Variants in CDKAL1 observed in about 807,000 individuals in gnomAD.
CDKAL1 encodes the protein CDKAL1 threonylcarbamoyladenosine tRNA methylthiotransferase.
CDKAL1 carries 32 observed loss-of-function variants against 68.2 expected under a neutral mutation model. The observed-to-expected ratio is 0.47, with a 90% CI of 0.35 to 0.63. The LOEUF is 0.63. Ranked by LOEUF, CDKAL1 falls within the 30% of genes least tolerant of loss-of-function variation. The pLI is 0.00. For missense variants in CDKAL1, 606 were observed against 696.7 expected (o/e 0.87, Z 1.47); for synonymous variants, 234 against 244.3 (o/e 0.96, Z 0.39).
intron 14 of CDKAL1, 74 bp from the exon 15 acceptor site, chr6:21,201,036 C>A: frequency 7.4e-7 from 1 of 1,354,498 alleles, no homozygotes; most frequent in Non-Finnish European, 1.0e-6. Context: ...TGCAATAATT[C>A]TATAAATCTG....
At chr6:20,562,104 A>T (rs1206827197) in intron 4 of CDKAL1, among the ~76,000 whole-genome samples, 1 of 152,172 alleles carries the variant, frequency 6.6e-6, no homozygotes, top group Non-Finnish European at 1.5e-5. Context: ...CAGTATGGTT[A>T]TATATATTTC....
At chr6:20,941,349 C>T (rs1223213975) in intron 9 of CDKAL1, among the ~76,000 whole-genome samples, 1 of 152,040 alleles carries the variant, frequency 6.6e-6, no homozygotes, top group Non-Finnish European at 1.5e-5. Flanking sequence ...CTCCTTGAGT[C>T]ACTAAATTGG....
At position 20,568,470 on chromosome 6, in the gene CDKAL1, C is replaced by T. The variant is rs139197579; in HGVS notation, c.286+19765C>T. ...GAAATGTGGGCCTGGCACGGTGGCT[C>T]ACGCCTGTAATCCCAGCACTTTGGG... On this transcript the variant is annotated intron_variant, in intron 4 of 15. Transcript: ENST00000274695. Among the ~76,000 whole-genome samples, 733 of 152,008 alleles carry T rather than the reference C, an allele frequency of 4.8e-3. 11 individuals carry two copies. The highest frequency in any genetic ancestry group is 0.017 in the African/African-American group (694 of 41,514).
At chr6:21,074,833 T>C (rs1232486266) in intron 12 of CDKAL1, among the ~76,000 whole-genome samples, 1 of 152,158 alleles carries the variant, frequency 6.6e-6, no homozygotes, top group Non-Finnish European at 1.5e-5. Flanking sequence ...TCAATAACTT[T>C]AGGAGTACAC....
intron 12 of CDKAL1, among the ~76,000 whole-genome samples, chr6:21,101,744 C>T (rs1232953057): frequency 6.6e-6 from 1 of 152,096 alleles, no homozygotes; most frequent in Non-Finnish European, 1.5e-5. Context: ...CAGTCTCAGT[C>T]TCTAGACTGA....
chr6:20,867,936 G>A (rs561172914), intron 9 of CDKAL1, among the ~76,000 whole-genome samples: 39 of 152,222 alleles, frequency 2.6e-4, no homozygotes, highest in Non-Finnish European at 4.1e-4. Flanking sequence ...GCCAAAGTAC[G>A]TATTCCATAT....
At position 20,594,344 on chromosome 6, in the gene CDKAL1, G is replaced by A. The variant is rs142058094; in HGVS notation, c.286+45639G>A. 3.9e-5 allele frequency among the ~76,000 whole-genome samples: 6 copies of A among 152,266 alleles called. 1 individual carries two copies. The East Asian group carries it at 9.7e-4, about 25-fold the overall frequency. ...TTATAGGTCTCTAAGAACTTGTTCT[G>A]TGAATCGGGGCGCTCCTGTATTGGG... is the stretch of plus-strand genomic sequence containing the variant. On this transcript the variant is annotated intron_variant, in intron 4 of 15. Coordinates refer to ENST00000274695, the MANE Select transcript of CDKAL1 (RefSeq NM_017774.3).
At chr6:20,749,986 A>G (rs528396849) in intron 6 of CDKAL1, among the ~76,000 whole-genome samples, 131 of 152,088 alleles carry the variant, frequency 8.6e-4, no homozygotes, top group Middle Eastern at 3.4e-3. Context: ...GATTATAGGC[A>G]TGAACCACCA....
At chr6:20,899,208 G>A (rs1761848619) in intron 9 of CDKAL1, among the ~76,000 whole-genome samples, 1 of 151,884 alleles carries the variant, frequency 6.6e-6, no homozygotes, top group African/African-American at 2.4e-5. Context: ...GGGACTACAG[G>A]TGCCCGCCAC....
At chr6:20,984,075 CG>C (rs1268434987) in intron 10 of CDKAL1, among the ~76,000 whole-genome samples, 3 of 152,302 alleles carry the variant, frequency 2.0e-5, no homozygotes, top group African/African-American at 4.8e-5. Flanking sequence ...AAAACTACTA[CG>C]TTTTTTTCTG....
At chr6:20,562,390 A>G (rs1764300893) in intron 4 of CDKAL1, among the ~76,000 whole-genome samples, 1 of 152,156 alleles carries the variant, frequency 6.6e-6, no homozygotes, top group African/African-American at 2.4e-5. Context: ...TCTTGAGGGT[A>G]GACAGCATCC....
chr6:21,195,608 C>A (rs539184588), intron 13 of CDKAL1, among the ~76,000 whole-genome samples: 5 of 151,344 alleles, frequency 3.3e-5, no homozygotes, highest in African/African-American at 1.2e-4. Flanking sequence ...TCTGCCAGGC[C>A]CAAGCAATCC....
intron 9 of CDKAL1, among the ~76,000 whole-genome samples, chr6:20,860,933 ATTTTTTT>A (rs70990075): frequency 3.0e-5 from 4 of 134,228 alleles, no homozygotes. Flanking sequence ...AGTGTGGTCT[ATTTTTTT>A]TTTTTTTTTT....
chr6:21,205,581 A>G (rs1211023935), intron 15 of CDKAL1, among the ~76,000 whole-genome samples: 1 of 151,866 alleles, frequency 6.6e-6, no homozygotes, highest in Non-Finnish European at 1.5e-5. Context: ...CCCAGGCTGG[A>G]GTGCAGTGGC....
intron 12 of CDKAL1, among the ~76,000 whole-genome samples, chr6:21,065,674 A>C (rs1228084800): frequency 2.3e-5 from 1 of 42,788 alleles, no homozygotes; most frequent in African/African-American, 1.6e-4. Flanking sequence ...CTATCTTTCT[A>C]CCTTTTTTTT....
chr6:20,555,693 G>A (rs999304042), intron 4 of CDKAL1, among the ~76,000 whole-genome samples: 2 of 136,592 alleles, frequency 1.5e-5, no homozygotes, highest in African/African-American at 5.5e-5. Flanking sequence ...CGCTATCTTA[G>A]CTCGCTGCAA....
intron 10 of CDKAL1, among the ~76,000 whole-genome samples, chr6:20,968,569 C>G (rs939726089): frequency 2.0e-5 from 3 of 152,044 alleles, no homozygotes; most frequent in African/African-American, 7.2e-5. Flanking sequence ...TGTTGGTGTG[C>G]TTGATGGTAT....
At chr6:20,863,630 A>G (rs1195876314) in intron 9 of CDKAL1, among the ~76,000 whole-genome samples, 3 of 152,186 alleles carry the variant, frequency 2.0e-5, no homozygotes, top group Non-Finnish European at 4.4e-5. Context: ...TAGCACCCAT[A>G]ATTGGTAATG....
intron 4 of CDKAL1, among the ~76,000 whole-genome samples, chr6:20,611,286 C>G (rs376386374): frequency 6.6e-6 from 1 of 152,116 alleles, no homozygotes; most frequent in African/African-American, 2.4e-5. Flanking sequence ...CCTTAATTTC[C>G]ATACCTTCAT....
Sources: allele counts gnomAD v4.1 joint callset (sites outside exome capture counted in the v4.1 genomes callset), GRCh38; gene constraint gnomAD v4.1.1; transcripts MANE v1.5; gene names NCBI Gene and HGNC (gene_info 2026-07-23, HGNC 2026-07-21).